SPIDR: variants seen among roughly 807,000 people sequenced by gnomAD.
SPIDR encodes DNA repair-scaffolding protein.
SPIDR carries 93 observed loss-of-function variants against 104.6 expected under a neutral mutation model. The ratio of observed to expected loss-of-function variants is 0.89; its 90% CI spans 0.75 to 1.06. The LOEUF (loss-of-function observed/expected upper bound fraction) is 1.06. Ranked by LOEUF, SPIDR falls within the 50% of genes least tolerant of loss-of-function variation. The probability of loss-of-function intolerance (pLI) is 0.00; values close to 1 mark genes in which losing one functional copy is unlikely to be tolerated. For missense variants in SPIDR, 1,154 were observed against 1,111.2 expected (o/e 1.04, Z -0.55); for synonymous variants, 431 against 416.9 (o/e 1.03, Z -0.41).
At chr8:47,426,998 GA>G (rs2066517574) in intron 7 of SPIDR, among the ~76,000 whole-genome samples, 1 of 152,072 alleles carries the variant, frequency 6.6e-6, no homozygotes, top group South Asian at 2.1e-4. Flanking sequence ...AAGCCTAAGA[GA>G]ATAAAGTATT....
chr8:47,423,793 A>G (rs1219701929), intron 7 of SPIDR, among the ~76,000 whole-genome samples: 6 of 152,150 alleles, frequency 3.9e-5, no homozygotes, highest in African/African-American at 1.4e-4. Flanking sequence ...TTTAAAATGT[A>G]GCTGTGGCAT....
chr8:47,599,036 A>T lies in SPIDR; in HGVS notation c.1384A>T (p.Arg462Trp). The change falls in exon 10 of 20, where the codon AGG (arginine) becomes TGG (tryptophan). Residue 462 changes from arginine to tryptophan, a missense_variant. Transcript: ENST00000297423. ...KQRIPTSTPL[R>W]DSLLDVVESQ... ...GCGCATCCCAACCAGCACTCCCCTG[A>T]GGGATTCTCTCCTGGATGTGGTGGA... 1 of 1,613,186 alleles carries T rather than the reference A, an allele frequency of 6.2e-7. No individual in the cohort carries two copies. The highest frequency in any genetic ancestry group is 8.5e-7 in the Non-Finnish European group (1 of 1,179,546).
intron 8 of SPIDR, among the ~76,000 whole-genome samples, chr8:47,466,898 A>AT (rs1242893166): frequency 0.011 from 924 of 86,846 alleles, 25 homozygotes; most frequent in East Asian, 0.063. Flanking sequence ...AAAAAAAAAA[A>AT]AAATATATAT....
intron 3 of SPIDR, among the ~76,000 whole-genome samples, chr8:47,287,941 A>G (rs1334721930): frequency 6.6e-6 from 1 of 152,230 alleles, no homozygotes; most frequent in Non-Finnish European, 1.5e-5. Flanking sequence ...GGTCCATATT[A>G]AAATGAAATC....
At chr8:47,362,457 TC>T (rs1479048539) in intron 5 of SPIDR, among the ~76,000 whole-genome samples, 1 of 152,146 alleles carries the variant, frequency 6.6e-6, no homozygotes, top group Non-Finnish European at 1.5e-5. Context: ...CAGCATTTCC[TC>T]CCCTTGCTCT....
intron 10 of SPIDR, among the ~76,000 whole-genome samples, chr8:47,620,214 T>C (rs1318815237): frequency 1.3e-5 from 2 of 151,780 alleles, no homozygotes; most frequent in African/African-American, 4.8e-5. Flanking sequence ...CTCTCTGTGA[T>C]GGTAACATGG....
At chr8:47,718,375 ATT>A (rs1180128573) in intron 16 of SPIDR, among the ~76,000 whole-genome samples, 1 of 150,290 alleles carries the variant, frequency 6.7e-6, no homozygotes, top group African/African-American at 2.4e-5. Context: ...GATGAAAATT[ATT>A]TTTTTTTTCT....
intron 5 of SPIDR, among the ~76,000 whole-genome samples, chr8:47,299,411 C>A (rs2041589771): frequency 6.6e-6 from 1 of 152,150 alleles, no homozygotes. Context: ...GACAATTTGA[C>A]TTCCTCTTTT....
chr8:47,269,654 T>C (rs1475656495), intron 1 of SPIDR, among the ~76,000 whole-genome samples: 1 of 152,172 alleles, frequency 6.6e-6, no homozygotes, highest in Non-Finnish European at 1.5e-5. Flanking sequence ...TAGACATCTT[T>C]TATTTCTTCT....
chr8:47,327,778 ATCTCAAACT>A (rs1373939170), intron 5 of SPIDR, among the ~76,000 whole-genome samples: 1 of 152,026 alleles, frequency 6.6e-6, no homozygotes, highest in Non-Finnish European at 1.5e-5. Context: ...GGCCAGGCTG[ATCTCAAACT>A]CCAGACCTCA....
intron 11 of SPIDR, among the ~76,000 whole-genome samples, chr8:47,693,527 A>G (rs888675604): frequency 6.6e-6 from 1 of 152,228 alleles, no homozygotes; most frequent in African/African-American, 2.4e-5. Context: ...GCTAGCTAGT[A>G]TGCCAGATCC....
At chr8:47,706,577 AT>A (rs2081118029) in intron 14 of SPIDR, among the ~76,000 whole-genome samples, 1 of 152,188 alleles carries the variant, frequency 6.6e-6, no homozygotes, top group Non-Finnish European at 1.5e-5. Context: ...CCGCTGTGCC[AT>A]CACCAACGAT....
chr8:47,460,214 C>T (rs2073717448), intron 8 of SPIDR, among the ~76,000 whole-genome samples: 1 of 152,110 alleles, frequency 6.6e-6, no homozygotes, highest in East Asian at 1.9e-4. Flanking sequence ...GATGACCTGT[C>T]TAGTCCTATC....
chr8:47,340,873 A>C (rs1237739663), intron 5 of SPIDR, among the ~76,000 whole-genome samples: 1 of 152,224 alleles, frequency 6.6e-6, no homozygotes, highest in South Asian at 2.1e-4. Flanking sequence ...TCCTGGCTCC[A>C]CATCATGGAG....
chr8:47,412,923 A>G (rs532292368), intron 7 of SPIDR, among the ~76,000 whole-genome samples: 44 of 152,266 alleles, frequency 2.9e-4, no homozygotes, highest in African/African-American at 9.4e-4. Flanking sequence ...TTCTGCTTGA[A>G]CCAGAAAAAT....
chr8:47,624,832 T>C (rs2065785279), intron 10 of SPIDR, among the ~76,000 whole-genome samples: 1 of 152,176 alleles, frequency 6.6e-6, no homozygotes, highest in Admixed American at 6.5e-5. Flanking sequence ...GTACCATTCC[T>C]TCTGAAACTA....
intron 8 of SPIDR, among the ~76,000 whole-genome samples, chr8:47,505,618 T>G (rs1013332120): frequency 6.6e-6 from 1 of 152,204 alleles, no homozygotes; most frequent in Non-Finnish European, 1.5e-5. Context: ...CTTCGGCTCA[T>G]GCTCGGTCCG....
At chr8:47,668,867 C>A (rs373772649) in intron 10 of SPIDR, among the ~76,000 whole-genome samples, 11 of 152,100 alleles carry the variant, frequency 7.2e-5, no homozygotes, top group African/African-American at 2.7e-4. Flanking sequence ...CATAGACAGT[C>A]TAGGCGTAGA....
intron 8 of SPIDR, among the ~76,000 whole-genome samples, chr8:47,503,616 C>T (rs954059545): frequency 6.6e-6 from 1 of 152,074 alleles, no homozygotes; most frequent in African/African-American, 2.4e-5. Context: ...TTTTAATTGG[C>T]GCATTTAGCC....
Sources: gnomAD v4.1 joint callset for allele counts (sites outside exome capture counted in the v4.1 genomes callset) on GRCh38, gnomAD v4.1.1 for gene constraint, MANE v1.5 for transcripts, NCBI Gene and HGNC (gene_info 2026-07-23, HGNC 2026-07-21) for gene names.